Variants in DISP1 observed in about 807,000 individuals in gnomAD.
The protein encoded by DISP1 is dispatched RND transporter family member 1, also known as protein dispatched homolog 1.
In DISP1, 30 loss-of-function variants were observed where a neutral mutation model predicts 37.3. The ratio of observed to expected loss-of-function variants is 0.80; its 90% CI spans 0.60 to 1.09. DISP1 has a LOEUF of 1.09. Among genes scored for constraint, DISP1 ranks in the 50% least tolerant of loss-of-function variants. DISP1 has a pLI of 0.00. For missense variants in DISP1, 1,598 were observed against 1,879.5 expected (o/e 0.85, Z 2.77); for synonymous variants, 634 against 690.2 (o/e 0.92, Z 1.28).
chr1:222,917,991 G>C (rs558724963), intron 1 of DISP1, among the ~76,000 whole-genome samples: 1 of 152,146 alleles, frequency 6.6e-6, no homozygotes, highest in Non-Finnish European at 1.5e-5. Flanking sequence ...CTTATAACAC[G>C]GTTCCCCTCT....
intron 1 of DISP1, among the ~76,000 whole-genome samples, chr1:222,832,840 G>A (rs1313310683): frequency 6.6e-6 from 1 of 152,150 alleles, no homozygotes; most frequent in Non-Finnish European, 1.5e-5. Context: ...AAGTTGCAGT[G>A]AGCCGAGGTC....
chr1:222,992,794 G>A (rs985761282), intron 7 of DISP1, among the ~76,000 whole-genome samples: 17 of 151,884 alleles, frequency 1.1e-4, no homozygotes, highest in Admixed American at 7.9e-4. Flanking sequence ...ACTTAGCCGC[G>A]ACAAAAGATG....
chr1:222,913,573 T>C (rs150558560), intron 1 of DISP1, among the ~76,000 whole-genome samples: 1 of 152,072 alleles, frequency 6.6e-6, no homozygotes, highest in Non-Finnish European at 1.5e-5. Context: ...TTTTTGTCTT[T>C]AAAAAAAGTT....
At chr1:222,905,754 A>G (rs1339350024) in intron 1 of DISP1, among the ~76,000 whole-genome samples, 1 of 152,154 alleles carries the variant, frequency 6.6e-6, no homozygotes, top group East Asian at 1.9e-4. Context: ...TATTTATTCC[A>G]TGGGGTTATA....
chr1:222,858,623 C>G (rs1364812279), intron 1 of DISP1, among the ~76,000 whole-genome samples: 1 of 151,918 alleles, frequency 6.6e-6, no homozygotes, highest in Admixed American at 6.6e-5. Context: ...GGAACTTAAA[C>G]AAATTTACAG....
At chr1:222,889,636 A>G (rs1172748607) in intron 1 of DISP1, among the ~76,000 whole-genome samples, 1 of 152,088 alleles carries the variant, frequency 6.6e-6, no homozygotes, top group African/African-American at 2.4e-5. Context: ...AAGACTACAC[A>G]AAACACAGAA....
intron 1 of DISP1, among the ~76,000 whole-genome samples, chr1:222,881,420 C>T (rs1001037553): frequency 6.6e-6 from 1 of 152,098 alleles, no homozygotes; most frequent in Non-Finnish European, 1.5e-5. Context: ...GTCTGAAAAC[C>T]CCCGTCTTCA....
chr1:222,989,225 T>C (rs1045064768), intron 4 of DISP1, among the ~76,000 whole-genome samples: 5 of 152,208 alleles, frequency 3.3e-5, no homozygotes, highest in Non-Finnish European at 5.9e-5. Flanking sequence ...CTCAAAAATA[T>C]ATGAGTAAGA....
chr1:222,938,758 AAAAAGGAAGG>A (rs1674156268), intron 2 of DISP1, among the ~76,000 whole-genome samples: 2 of 142,040 alleles, frequency 1.4e-5, no homozygotes, highest in Non-Finnish European at 3.0e-5. Context: ...AAAAAAAAAA[AAAAAGGAAGG>A]AAGGAAGGAA....
At position 222,850,446 on chromosome 1, in the gene DISP1, A is replaced by T. The variant is rs116656581; in HGVS notation, c.-159+35368A>T. On this transcript the variant is annotated intron_variant, in intron 1 of 8. Transcript: ENST00000675850. Reference sequence around the variant, plus strand: ...ACTTTTTTTTTCCCACTGTATTTTAATTTTTTTAAATTTTAGTTTTGAGAG... The same window carrying T: ...ACTTTTTTTTTCCCACTGTATTTTATTTTTTTTAAATTTTAGTTTTGAGAG... Among the ~76,000 whole-genome samples the T allele has an allele frequency of 6.4e-3, 970 of 151,414 alleles. 10 individuals are homozygous for T. The highest frequency in any genetic ancestry group is 0.021 in the African/African-American group (861 of 41,278).
At chr1:222,815,158 G>A (rs984720550) in intron 1 of DISP1, 80 bp downstream of exon 1, 11 of 152,452 alleles carry the variant, frequency 7.2e-5, no homozygotes, top group African/African-American at 2.4e-4. Flanking sequence ...GGCGCCGCGG[G>A]ACTGGGAGAC....
chr1:222,972,375 A>G (rs1312162354), intron 3 of DISP1, among the ~76,000 whole-genome samples: 1 of 151,922 alleles, frequency 6.6e-6, no homozygotes. Context: ...TCCCTTTAGC[A>G]TTTCCCCTAG....
Position 222,984,421 on chromosome 1 carries a change from A to AAAAT in DISP1, c.539+1313_539+1314insAATA, listed in dbSNP as rs1553254646. Among the ~76,000 whole-genome samples, 485 of 105,776 alleles carry AAAAT rather than the reference A, an allele frequency of 4.6e-3. 42 individuals are homozygous for AAAAT. Among genetic ancestry groups the AAAAT allele is most frequent in the African/African-American group, 0.013 (324 of 25,704 alleles). 69.4% of individuals were successfully genotyped at this position (105,776 alleles called of 152,430 possible). A position where few individuals can be genotyped will look rare whatever the true frequency, so the allele number is the denominator to read the frequency against. On this transcript the variant is annotated intron_variant, in intron 4 of 8. Coordinates refer to ENST00000675850, the MANE Select transcript of DISP1 (RefSeq NM_001377229.1). ...TCTGTCTCAAAAAAAAAAAAAAAAA[A>AAAAT]ATATATATATATATAGAGAGAGAGA...
At chr1:222,824,997 A>T (rs1663961748) in intron 1 of DISP1, among the ~76,000 whole-genome samples, 1 of 152,198 alleles carries the variant, frequency 6.6e-6, no homozygotes, top group Non-Finnish European at 1.5e-5. Flanking sequence ...AAACCTAGAT[A>T]AAAAGGCTGT....
At chr1:222,980,523 TTTCA>T (rs1677756768) in intron 3 of DISP1, among the ~76,000 whole-genome samples, 1 of 152,146 alleles carries the variant, frequency 6.6e-6, no homozygotes, top group Non-Finnish European at 1.5e-5. Context: ...TGTCTACTGA[TTTCA>T]AAGCTGTTGA....
At chr1:222,978,415 A>G (rs1677566912) in intron 3 of DISP1, among the ~76,000 whole-genome samples, 3 of 152,126 alleles carry the variant, frequency 2.0e-5, no homozygotes, top group Admixed American at 2.0e-4. Flanking sequence ...TAGATTCTGG[A>G]TATTAGCCCG....
At chr1:222,898,587 A>G (rs1453415570) in intron 1 of DISP1, among the ~76,000 whole-genome samples, 1 of 151,620 alleles carries the variant, frequency 6.6e-6, no homozygotes, top group East Asian at 1.9e-4. Flanking sequence ...TATAGATTAA[A>G]GTGTACACAT....
At chr1:222,911,549 G>A (rs1162776096) in intron 1 of DISP1, among the ~76,000 whole-genome samples, 1 of 151,680 alleles carries the variant, frequency 6.6e-6, no homozygotes, top group Non-Finnish European at 1.5e-5. Context: ...CTTTTGTCCA[G>A]GCTGGATTGC....
At position 222,825,626 on chromosome 1, in the gene DISP1, G is replaced by A. The variant is rs574491634; in HGVS notation, c.-159+10548G>A. Among the ~76,000 whole-genome samples the A allele has an allele frequency of 2.6e-3, 393 of 150,924 alleles. 1 individual carries two copies. The highest frequency in any genetic ancestry group is 3.7e-3 in the Non-Finnish European group (249 of 67,828). On this transcript the variant is annotated intron_variant, in intron 1 of 8. Transcript: ENST00000675850. ...AGTGATTCTCGTGCCTCAGCCTCCT[G>A]AGTAGCTGGGATTGCAGGCGCCCAC...
Sources: allele counts gnomAD v4.1 joint callset (sites outside exome capture counted in the v4.1 genomes callset), GRCh38; gene constraint gnomAD v4.1.1; transcripts MANE v1.5; gene names NCBI Gene and HGNC (gene_info 2026-07-23, HGNC 2026-07-21).